The following FKBP6 variants were observed in gnomAD, a reference collection of about 807,000 sequenced individuals.
FKBP6 encodes the protein FKBP prolyl isomerase family member 6 (inactive).
Under a neutral mutation model 41.7 loss-of-function variants are expected in FKBP6, and 29 were observed. That is an observed-to-expected ratio of 0.70 (90% CI 0.52 to 0.95). FKBP6 has a LOEUF of 0.95. Among genes scored for constraint, FKBP6 ranks in the 40% least tolerant of loss-of-function variants. The pLI, the probability that FKBP6 is intolerant of heterozygous loss-of-function variation, is 0.00. For missense variants in FKBP6, 338 were observed against 408.7 expected, an observed-to-expected ratio of 0.83 and a Z score of 1.49; for synonymous variants, 130 against 165.1, an observed-to-expected ratio of 0.79 and a Z score of 1.63.
chr7:73,344,586 C>T (rs1805285405), intron 8 of FKBP6, among the ~76,000 whole-genome samples: 1 of 64,584 alleles, frequency 1.5e-5, no homozygotes, highest in African/African-American at 6.8e-5. Context: ...TGTCACTAAC[C>T]AGGACAATTT....
rs1260938057 is a variant in FKBP6 at position 73,333,655 on chromosome 7, A to T, written c.588+1879A>T. Among the ~76,000 whole-genome samples, 7 of 152,228 alleles carry T rather than the reference A, an allele frequency of 4.6e-5. No homozygotes were observed. The South Asian group carries it at 1.2e-3, about 27-fold the overall frequency. ...ACAGCTCTTGTCCTGGGGCTGCCCT[A>T]TAATGCTAGTTTGTGGATTTCCTGT... On this transcript the variant is annotated intron_variant, in intron 5 of 8. Transcript: ENST00000252037.
Position 73,328,737 on chromosome 7 carries a change from T to C in FKBP6, c.175+45T>C, listed in dbSNP as rs369763024. 1.1e-5 allele frequency: 17 copies of C among 1,611,784 alleles called. No individual in the cohort carries two copies. In the African/African-American group the frequency reaches 2.1e-4, roughly 20 times the overall value. On this transcript the variant is annotated intron_variant, in intron 2 of 8. Coordinates refer to ENST00000252037, the MANE Select transcript of FKBP6 (RefSeq NM_003602.5). The stretch of plus-strand genomic sequence containing the variant: ...GTCCTCAGGATCCATGTCATCGCAC[T>C]CTGTTGGGAAGAGAGAGGCCTCATT...
intron 8 of FKBP6, among the ~76,000 whole-genome samples, chr7:73,343,828 A>G (rs2115916034): frequency 6.6e-6 from 1 of 152,348 alleles, no homozygotes; most frequent in East Asian, 1.9e-4. Context: ...AGGAACAACA[A>G]GAAAACAGCT....
At chr7:73,333,281 A>AC (rs1554548000) in intron 5 of FKBP6, among the ~76,000 whole-genome samples, 20,591 of 151,714 alleles carry the variant, frequency 0.14, 1,600 homozygotes, top group East Asian at 0.28. Context: ...CAAAAAAAAA[A>AC]AAAACAAAAC....
rs1381177989 is a variant in FKBP6 at position 73,335,209 on chromosome 7, TTCACAGAG to T, written c.588+3434_588+3441del. On this transcript the variant is annotated intron_variant, in intron 5 of 8. Transcript: ENST00000252037. The stretch of plus-strand genomic sequence containing the variant: ...TGCTGGGAGGCAGGAGGCCACCTCT[TTCACAGAG>T]GGTTTCCTCAAATGGCTGGTGATCT... 1.1e-4 allele frequency among the ~76,000 whole-genome samples: 16 copies of T among 151,874 alleles called. No individual in the cohort carries two copies. In the South Asian group the frequency reaches 1.2e-3, roughly 12 times the overall value.
intron 8 of FKBP6, among the ~76,000 whole-genome samples, chr7:73,355,385 C>T (rs566315102): frequency 2.0e-5 from 3 of 152,270 alleles, no homozygotes; most frequent in Non-Finnish European, 4.4e-5. Flanking sequence ...CCTATGTTGG[C>T]GCATTCTCGT....
chr7:73,332,685 A>G (rs1189583989), intron 5 of FKBP6, among the ~76,000 whole-genome samples: 1 of 152,122 alleles, frequency 6.6e-6, no homozygotes, highest in Non-Finnish European at 1.5e-5. Context: ...GTTGTGAAAA[A>G]CATTTGCCTC....
At chr7:73,328,718 A>G in intron 2 of FKBP6, 26 bp downstream of exon 2, 2 of 1,611,988 alleles carry the variant, frequency 1.2e-6, no homozygotes, top group Non-Finnish European at 1.7e-6. Context: ...GTTTGTCCTC[A>G]GGATCCATGT....
chr7:73,331,785 G>T lies in FKBP6; in HGVS notation c.588+9G>T. ...AAGTGAGATATAAAAGGGTGAGAAT[G>T]CTTTGAAAGTTAAGTGTAAGTTTAG... is the stretch of plus-strand genomic sequence containing the variant. On this transcript the variant is annotated intron_variant, in intron 5 of 8. Coordinates refer to ENST00000252037, the MANE Select transcript of FKBP6 (RefSeq NM_003602.5). 2 of 1,612,926 alleles carry T rather than the reference G, an allele frequency of 1.2e-6. No individual in the cohort carries two copies. The highest frequency in any genetic ancestry group is 1.7e-6 in the Non-Finnish European group (2 of 1,178,962).
At chr7:73,346,713 T>G (rs1554550329) in intron 8 of FKBP6, among the ~76,000 whole-genome samples, 1 of 152,060 alleles carries the variant, frequency 6.6e-6, no homozygotes, top group African/African-American at 2.4e-5. Context: ...AGCCTGGACG[T>G]GAACCTACTG....
intron 5 of FKBP6, among the ~76,000 whole-genome samples, chr7:73,340,431 G>A (rs557551588): frequency 6.6e-6 from 1 of 152,262 alleles, no homozygotes; most frequent in African/African-American, 2.4e-5. Flanking sequence ...GTTGCAGTGA[G>A]CTGAGATCAC....
At chr7:73,349,893 T>C (rs1001973024) in intron 8 of FKBP6, among the ~76,000 whole-genome samples, 6 of 152,054 alleles carry the variant, frequency 3.9e-5, no homozygotes. Flanking sequence ...CAGTTGAAGG[T>C]TGCTTCGGCC....
rs782495498 is a variant in FKBP6 at position 73,331,710 on chromosome 7, A to G, written c.522A>G (p.Glu174=). Residue 174 remains glutamate, a synonymous_variant, in exon 5 of 9, where the codon GAA becomes GAG. Transcript: ENST00000252037. ...AGGTCCTGAAAGTGGCAGCTACGGA[A>G]CGGGAGTTTGGCAACTACCTTTTCC... ...LQKVLKVAAT[E]REFGNYLFRQ... is the part of the protein sequence containing the mutation. The G allele has an allele frequency of 6.2e-7, 1 of 1,613,952 alleles. No individual in the cohort carries two copies. The highest frequency in any genetic ancestry group is 1.1e-5 in the South Asian group (1 of 91,084).
At chr7:73,353,315 A>C (rs1805540852) in intron 8 of FKBP6, among the ~76,000 whole-genome samples, 1 of 152,170 alleles carries the variant, frequency 6.6e-6, no homozygotes, top group Non-Finnish European at 1.5e-5. Flanking sequence ...GGTTCCGGGA[A>C]TTGGAACAAG....
At chr7:73,333,391 C>T (rs1208028086) in intron 5 of FKBP6, among the ~76,000 whole-genome samples, 2 of 152,232 alleles carry the variant, frequency 1.3e-5, no homozygotes, top group Non-Finnish European at 2.9e-5. Context: ...AACAGAACCT[C>T]CCATTTCACT....
chr7:73,353,583 A>C (rs1805548937), intron 8 of FKBP6, among the ~76,000 whole-genome samples: 1 of 152,138 alleles, frequency 6.6e-6, no homozygotes, highest in Non-Finnish European at 1.5e-5. Context: ...ACTGCACTTG[A>C]GGGTTGCTGT....
intron 8 of FKBP6, among the ~76,000 whole-genome samples, 162 bp from the exon 9 acceptor site, chr7:73,358,019 C>G (rs571553847): frequency 6.6e-6 from 1 of 151,284 alleles, no homozygotes; most frequent in African/African-American, 2.4e-5. Flanking sequence ...CAGAGCCCAT[C>G]TAGTAGGGCC....
chr7:73,339,704 C>G (rs896895203), intron 5 of FKBP6, among the ~76,000 whole-genome samples: 1 of 150,592 alleles, frequency 6.6e-6, no homozygotes, highest in South Asian at 2.1e-4. Context: ...ACCTCCGCCT[C>G]CCATGTTCAA....
chr7:73,348,932 CCTT>C (rs1554550697), intron 8 of FKBP6, among the ~76,000 whole-genome samples: 2 of 151,632 alleles, frequency 1.3e-5, no homozygotes, highest in Admixed American at 6.6e-5. Context: ...TGGTGAAACT[CCTT>C]CTCTACCAAA....
Sources: gnomAD v4.1 joint callset for allele counts (sites outside exome capture counted in the v4.1 genomes callset) on GRCh38, gnomAD v4.1.1 for gene constraint, MANE v1.5 for transcripts, NCBI Gene and HGNC (gene_info 2026-07-23, HGNC 2026-07-21) for gene names.